The following MCPH1 variants were observed in gnomAD, a reference collection of about 807,000 sequenced individuals.
The protein encoded by MCPH1 is microcephalin 1, also known as microcephalin.
In MCPH1, 104 loss-of-function variants were observed where a neutral mutation model predicts 84.5. The observed-to-expected ratio is 1.23, with a 90% CI of 1.05 to 1.45. The LOEUF (loss-of-function observed/expected upper bound fraction) is 1.45. Ranked by LOEUF, MCPH1 falls within the 40% of genes most tolerant of loss-of-function variation. The pLI is 0.00. For missense variants in MCPH1, 1,498 were observed against 1,005.7 expected (o/e 1.49, Z -6.62); for synonymous variants, 514 against 366.8 (o/e 1.40, Z -4.58).
At chr8:6,585,487 G>A (rs1324372360) in intron 12 of MCPH1, among the ~76,000 whole-genome samples, 6 of 152,222 alleles carry the variant, frequency 3.9e-5, no homozygotes, top group African/African-American at 1.2e-4. Context: ...AGCCATTGTC[G>A]GCCGCCTCGA....
intron 12 of MCPH1, among the ~76,000 whole-genome samples, chr8:6,540,049 T>C (rs1186171927): frequency 3.9e-5 from 6 of 152,204 alleles, no homozygotes; most frequent in African/African-American, 1.4e-4. Flanking sequence ...CATTCTAACA[T>C]TAATAGTCCA....
intron 8 of MCPH1, among the ~76,000 whole-genome samples, chr8:6,451,231 TAGTC>T (rs1362013059): frequency 1.3e-5 from 2 of 152,226 alleles, no homozygotes; most frequent in Non-Finnish European, 1.5e-5. Flanking sequence ...TGATGTGGGT[TAGTC>T]AGTCTTAACA....
chr8:6,591,490 T>A (rs1828453577), intron 12 of MCPH1, among the ~76,000 whole-genome samples: 1 of 152,226 alleles, frequency 6.6e-6, no homozygotes, highest in Admixed American at 6.5e-5. Context: ...GAATGGTCAG[T>A]GGAACATAGG....
chr8:6,489,943 G>C (rs529222431), intron 11 of MCPH1, among the ~76,000 whole-genome samples: 2 of 152,196 alleles, frequency 1.3e-5, no homozygotes, highest in African/African-American at 4.8e-5. Flanking sequence ...CCAACAAGTC[G>C]AGAGGGTACT....
At chr8:6,486,262 A>ATCTCTCTCTCTCTCTC (rs56247663) in intron 11 of MCPH1, among the ~76,000 whole-genome samples, 1 of 147,092 alleles carries the variant, frequency 6.8e-6, no homozygotes, top group African/African-American at 2.5e-5. Flanking sequence ...TGTACAAGGA[A>ATCTCTCTCTCTCTCTC]TCTCTCTCTC....
intron 2 of MCPH1, among the ~76,000 whole-genome samples, chr8:6,413,492 T>G (rs1222413333): frequency 6.6e-6 from 1 of 151,696 alleles, no homozygotes; most frequent in African/African-American, 2.4e-5. Flanking sequence ...ATTTTCTCCA[T>G]TTTGTGTATT....
At position 6,414,837 on chromosome 8, in the gene MCPH1, G is replaced by A; in HGVS notation, c.187G>A (p.Ala63Thr). 1 of 1,613,830 alleles carries A rather than the reference G, an allele frequency of 6.2e-7. No individual in the cohort carries two copies. The highest frequency in any genetic ancestry group is 1.1e-5 in the South Asian group (1 of 91,062). Reference sequence around the variant, plus strand: ...TGGCTACCAGAGCACTTGGGACAAAGCTCAGAAGAGAGGCGTAAAGCTCGT... The same window carrying A: ...TGGCTACCAGAGCACTTGGGACAAAACTCAGAAGAGAGGCGTAAAGCTCGT... Reference protein sequence around the residue: ...KDGYQSTWDKAQKRGVKLVSV... With the variant: ...KDGYQSTWDKTQKRGVKLVSV... Residue 63 changes from alanine (A) to threonine (T), a missense_variant, in exon 3 of 14, where the codon GCT becomes ACT. Coordinates refer to ENST00000344683, the MANE Select transcript of MCPH1 (RefSeq NM_024596.5).
At chr8:6,623,343 T>C (rs561221313) in intron 13 of MCPH1, among the ~76,000 whole-genome samples, 7 of 149,750 alleles carry the variant, frequency 4.7e-5, no homozygotes, top group Non-Finnish European at 1.0e-4. Flanking sequence ...ACATCCCCTC[T>C]CTCTCTCTCA....
At chr8:6,584,678 A>G (rs74456285) in intron 12 of MCPH1, among the ~76,000 whole-genome samples, 2 of 152,340 alleles carry the variant, frequency 1.3e-5, no homozygotes, top group East Asian at 1.9e-4. Flanking sequence ...AAATTTGACA[A>G]TATACAAAGC....
At chr8:6,633,263 G>T (rs1191309234) in intron 13 of MCPH1, among the ~76,000 whole-genome samples, 1 of 152,156 alleles carries the variant, frequency 6.6e-6, no homozygotes, top group Non-Finnish European at 1.5e-5. Context: ...TTGTTTGCAT[G>T]TCATACAGTT....
intron 12 of MCPH1, among the ~76,000 whole-genome samples, chr8:6,511,887 A>G (rs965687268): frequency 6.8e-6 from 1 of 145,998 alleles, no homozygotes; most frequent in African/African-American, 2.5e-5. Context: ...CTAATCCTTA[A>G]TTTTTGTGCT....
At chr8:6,444,244 T>C (rs955408615) in intron 7 of MCPH1, 149 bp from the exon 8 acceptor site, 2 of 882,492 alleles carry the variant, frequency 2.3e-6, no homozygotes, top group Non-Finnish European at 3.4e-6. Flanking sequence ...AATGTACCCT[T>C]AAGTGGAAAT....
intron 8 of MCPH1, chr8:6,446,409 G>T (rs1330603447): frequency 8.1e-6 from 8 of 985,190 alleles, no homozygotes; most frequent in Non-Finnish European, 9.6e-6. Flanking sequence ...AGAAGTCATG[G>T]TAGCGTTTGA....
At chr8:6,486,856 A>G (rs917084571) in intron 11 of MCPH1, among the ~76,000 whole-genome samples, 1 of 152,234 alleles carries the variant, frequency 6.6e-6, no homozygotes, top group South Asian at 2.1e-4. Flanking sequence ...TTGTTCAAGC[A>G]TAGCACAATT....
intron 12 of MCPH1, among the ~76,000 whole-genome samples, chr8:6,510,459 A>T (rs1055117695): frequency 1.3e-5 from 2 of 152,214 alleles, no homozygotes; most frequent in South Asian, 2.1e-4. Context: ...AATTTCTAAC[A>T]GTTTGTATTG....
At chr8:6,526,173 A>C (rs534584213) in intron 12 of MCPH1, among the ~76,000 whole-genome samples, 1 of 149,364 alleles carries the variant, frequency 6.7e-6, no homozygotes, top group Non-Finnish European at 1.5e-5. Context: ...TAATCCCAGC[A>C]CTTTAGGATG....
In MCPH1 at chr8:6,423,213, T is replaced by C. The variant is rs1334168226; in HGVS notation, c.234-8286T>C. Among the ~76,000 whole-genome samples, 112 of 126,828 alleles carry C rather than the reference T, an allele frequency of 8.8e-4. 4 individuals are homozygous for C. The highest frequency in any genetic ancestry group is 2.9e-3 in the African/African-American group (105 of 35,938). The allele number at this position is 126,828 out of a possible 152,430, so 83.2% of individuals were successfully genotyped here. A position where few individuals can be genotyped will look rare whatever the true frequency, so the allele number is the denominator to read the frequency against. On this transcript the variant is annotated intron_variant, in intron 3 of 13. Transcript: ENST00000344683. ...TTCTTTTTTTTTTTTTTTTTGAAACTGAGTCTCGCTCTGTCGCCCAGGCTG... is the reference window on the plus strand; with the variant it reads ...TTCTTTTTTTTTTTTTTTTTGAAACCGAGTCTCGCTCTGTCGCCCAGGCTG...
chr8:6,605,769 C>G (rs1586773014), intron 12 of MCPH1, among the ~76,000 whole-genome samples: 1 of 152,204 alleles, frequency 6.6e-6, no homozygotes, highest in Admixed American at 6.5e-5. Flanking sequence ...ACGATCTCAG[C>G]TCACTGCAAC....
chr8:6,493,014 G>T (rs1449975580), intron 11 of MCPH1, among the ~76,000 whole-genome samples: 1 of 152,134 alleles, frequency 6.6e-6, no homozygotes, highest in African/African-American at 2.4e-5. Context: ...TTGGTTTATT[G>T]TCTGTGTTGG....
Sources: allele counts gnomAD v4.1 joint callset (sites outside exome capture counted in the v4.1 genomes callset), GRCh38; gene constraint gnomAD v4.1.1; transcripts MANE v1.5; gene names NCBI Gene and HGNC (gene_info 2026-07-23, HGNC 2026-07-21).